The following STRN3 variants were observed in gnomAD, a reference collection of about 807,000 sequenced individuals.
STRN3 encodes the protein striatin 3.
STRN3 carries 29 observed loss-of-function variants against 95.6 expected under a neutral mutation model. That is an observed-to-expected ratio of 0.30 (90% confidence interval 0.23 to 0.41). The LOEUF (loss-of-function observed/expected upper bound fraction) is 0.41, where lower values mean the gene tolerates loss of function less well. Among genes scored for constraint, STRN3 ranks in the 10% least tolerant of loss-of-function variants. The pLI is 1.00. For synonymous variants in STRN3, 331 were observed against 357.6 expected (o/e 0.93, Z 0.84); for missense variants, 890 against 972.1 (o/e 0.92, Z 1.12).
intron 8 of STRN3, among the ~76,000 whole-genome samples, chr14:30,927,261 G>A (rs1293112493): frequency 1.3e-5 from 2 of 151,988 alleles, no homozygotes; most frequent in Non-Finnish European, 2.9e-5. Context: ...GCTACAGTGA[G>A]CTATGATTTA....
chr14:30,972,069 T>C lies in STRN3; in HGVS notation c.283-15827A>G, dbSNP rs532744068. ...GGGATTGTTAGATATGAGTTCTAAA[T>C]TTCTTTTCAAAGAATATGTCAGTAT... On this transcript the variant is annotated intron_variant, in intron 1 of 17. Transcript: ENST00000357479. Among the ~76,000 whole-genome samples, 5 of 152,344 alleles carry C rather than the reference T, an allele frequency of 3.3e-5. No individual in the cohort carries two copies. The East Asian group carries it at 5.8e-4, about 18-fold the overall frequency.
In STRN3 at chr14:30,895,642, T is replaced by A; in HGVS notation, c.2224+20A>T. ...AATCTTTTATAAAGTTTGTGGGCAG[T>A]ACAGGACTTTAAGACTTACTTCCAG... On this transcript the variant is annotated intron_variant, in intron 17 of 17. Transcript: ENST00000357479. The A allele has an allele frequency of 6.2e-7, 1 of 1,612,480 alleles. No individual in the cohort carries two copies. Among genetic ancestry groups the A allele is most frequent in the Non-Finnish European group, 8.5e-7 (1 of 1,179,438 alleles).
chr14:30,999,747 AT>A (rs1882362572), intron 1 of STRN3, among the ~76,000 whole-genome samples: 1 of 152,222 alleles, frequency 6.6e-6, no homozygotes, highest in Non-Finnish European at 1.5e-5. Context: ...GACAGAAAAA[AT>A]AATTGGAGAA....
rs1480577450 is a variant in STRN3, at chr14:30,911,095, T to C, written c.1666A>G (p.Thr556Ala). 2 of 1,614,104 alleles carry C rather than the reference T, an allele frequency of 1.2e-6. No individual in the cohort carries two copies. Among genetic ancestry groups the C allele is most frequent in the Non-Finnish European group, 1.7e-6 (2 of 1,179,998 alleles). Reference protein sequence around the residue: ...EQCFSGGIDATIQWWNMPSPS... With the variant: ...EQCFSGGIDAAIQWWNMPSPS... ...CTCGGCATATTCCACCACTGGATGGTTGCATCAATACCACCACTAAAACAC... is the reference window on the plus strand; with the variant it reads ...CTCGGCATATTCCACCACTGGATGGCTGCATCAATACCACCACTAAAACAC... Residue 556 changes from threonine (T) to alanine (A), a missense_variant, in exon 13 of 18, where the codon ACC becomes GCC. Around this residue, in one of 3 missense-constraint regions of STRN3, gnomAD observed 357 missense variants for 422.8 expected, o/e 0.84. Coordinates refer to ENST00000357479, the MANE Select transcript of STRN3 (RefSeq NM_001083893.2).
chr14:31,023,033 A>C (rs1279786864), intron 1 of STRN3, among the ~76,000 whole-genome samples: 4 of 152,164 alleles, frequency 2.6e-5, no homozygotes, highest in African/African-American at 4.8e-5. Context: ...TGGAATAGTA[A>C]TTTGCAAATC....
rs757208023 is a variant in STRN3 at position 31,026,187 on chromosome 14, G to A, written c.-2C>T. On this transcript the variant is annotated 5_prime_UTR_variant, in exon 1 of 18. Transcript: ENST00000357479. ...ACCGCCTCCGGCAAGCTCGTCCATTGTGTGTGGGGCCCCGGCCGGGGCGCA... is the reference window on the plus strand; with the variant it reads ...ACCGCCTCCGGCAAGCTCGTCCATTATGTGTGGGGCCCCGGCCGGGGCGCA... 6.9e-7 allele frequency: 1 copy of A among 1,456,500 alleles called. No homozygotes were observed. Among genetic ancestry groups the A allele is most frequent in the South Asian group, 1.4e-5 (1 of 73,400 alleles). The allele number at this position is 1,456,500 out of a possible 1,614,324, so 90.2% of individuals were successfully genotyped here.
intron 1 of STRN3, among the ~76,000 whole-genome samples, chr14:30,994,730 C>T (rs1882120753): frequency 1.3e-5 from 2 of 152,196 alleles, no homozygotes. Context: ...ACCAACTGCA[C>T]CACAAGATAT....
At chr14:30,981,596 A>G (rs898377799) in intron 1 of STRN3, among the ~76,000 whole-genome samples, 1 of 151,814 alleles carries the variant, frequency 6.6e-6, no homozygotes, top group Non-Finnish European at 1.5e-5. Context: ...ACACACACAC[A>G]CACACACACA....
chr14:31,020,010 A>G (rs1242247380), intron 1 of STRN3, among the ~76,000 whole-genome samples: 1 of 151,856 alleles, frequency 6.6e-6, no homozygotes, highest in African/African-American at 2.4e-5. Flanking sequence ...AGCGTGAGAC[A>G]CCACACCTGG....
In STRN3 at chr14:30,911,842, A is replaced by G; in HGVS notation, c.1551-18T>C. 1.3e-6 allele frequency: 2 copies of G among 1,598,118 alleles called. No individual in the cohort carries two copies. Among genetic ancestry groups the G allele is most frequent in the Non-Finnish European group, 1.7e-6 (2 of 1,174,478 alleles). The stretch of plus-strand genomic sequence containing the variant: ...AGGCACTCCTAAAAGAGGGGGAAAA[A>G]GGGTAGGGGAAGAGAAGGCAATTAA... On this transcript the variant is annotated intron_variant, in intron 11 of 17. Coordinates refer to ENST00000357479, the MANE Select transcript of STRN3 (RefSeq NM_001083893.2).
chr14:30,901,896 G>A (rs925482553), intron 16 of STRN3, among the ~76,000 whole-genome samples: 3 of 151,848 alleles, frequency 2.0e-5, no homozygotes, highest in Non-Finnish European at 2.9e-5. Context: ...GACCGGGCGC[G>A]GTGGCTCATG....
intron 1 of STRN3, among the ~76,000 whole-genome samples, chr14:30,989,470 ATTTAT>A (rs1390584130): frequency 6.6e-6 from 1 of 151,984 alleles, no homozygotes; most frequent in Non-Finnish European, 1.5e-5. Context: ...TTATTTATTT[ATTTAT>A]TTTGAGATGG....
chr14:30,924,287 C>CTT lies in STRN3; in HGVS notation c.1099+4912_1099+4913dup, dbSNP rs71112354. Reference sequence around the variant, plus strand: ...AGGTACAATGGCTCATGCCTTAAATCTTTTTTTTTTTTTTTTTTTTGAGAT... The same window carrying CTT: ...AGGTACAATGGCTCATGCCTTAAATCTTTTTTTTTTTTTTTTTTTTTTGAGAT... On this transcript the variant is annotated intron_variant, in intron 8 of 17. Transcript: ENST00000357479. 1.6e-3 allele frequency among the ~76,000 whole-genome samples: 122 copies of CTT among 77,222 alleles called. 18 individuals are homozygous for CTT. Among genetic ancestry groups the CTT allele is most frequent in the African/African-American group, 5.0e-3 (93 of 18,648 alleles). The allele number at this position is 77,222 out of a possible 152,430, so 50.7% of individuals were successfully genotyped here.
At chr14:31,009,182 T>C (rs996168743) in intron 1 of STRN3, among the ~76,000 whole-genome samples, 3 of 152,170 alleles carry the variant, frequency 2.0e-5, no homozygotes, top group East Asian at 1.9e-4. Context: ...CCAACAATTA[T>C]TGACTGCAAC....
At chr14:30,901,570 T>C (rs936774702) in intron 16 of STRN3, among the ~76,000 whole-genome samples, 50 of 152,344 alleles carry the variant, frequency 3.3e-4, no homozygotes, top group Admixed American at 8.5e-4. Context: ...ATTTCTTATT[T>C]AGAAGTCCTT....
chr14:30,950,150 A>G (rs116794961), intron 4 of STRN3, among the ~76,000 whole-genome samples: 2,917 of 152,262 alleles, frequency 0.019, 78 homozygotes, highest in South Asian at 0.071. Context: ...GAGAAAAATT[A>G]TATAGTTAAG....
chr14:30,992,201 A>G (rs575748035), intron 1 of STRN3, among the ~76,000 whole-genome samples: 1 of 151,992 alleles, frequency 6.6e-6, no homozygotes, highest in African/African-American at 2.4e-5. Flanking sequence ...CCTGAGGCTC[A>G]GGAGTTCAAG....
At chr14:30,900,631 C>A (rs930871511) in intron 16 of STRN3, among the ~76,000 whole-genome samples, 13 of 151,708 alleles carry the variant, frequency 8.6e-5, no homozygotes, top group African/African-American at 3.2e-4. Context: ...TGTAGTCCCA[C>A]CCAGCTATGT....
Position 30,929,380 on chromosome 14 carries a change from G to A in STRN3, c.989-69C>T, listed in dbSNP as rs944069760. 7.8e-6 allele frequency: 9 copies of A among 1,156,292 alleles called. No homozygotes were observed. In the African/African-American group the frequency reaches 1.4e-4, roughly 18 times the overall value. 71.6% of individuals were successfully genotyped at this position (1,156,292 alleles called of 1,614,324 possible). ...CAATGCAAGCTGTTGGCAGTAAACT[G>A]TTATAGCTTTACATAATCATAATAA... On this transcript the variant is annotated intron_variant, in intron 7 of 17. Coordinates refer to ENST00000357479, the MANE Select transcript of STRN3 (RefSeq NM_001083893.2).
Sources: gnomAD v4.1 joint callset for allele counts (sites outside exome capture counted in the v4.1 genomes callset) on GRCh38, gnomAD v4.1.1 for gene constraint, gnomAD v4.1.1 regional missense constraint, MANE v1.5 for transcripts, NCBI Gene and HGNC (gene_info 2026-07-23, HGNC 2026-07-21) for gene names.